The following GRIK2 variants were observed in gnomAD, a reference collection of about 807,000 sequenced individuals.
GRIK2 encodes the protein glutamate ionotropic receptor kainate type subunit 2, also known as glutamate receptor ionotropic, kainate 2.
GRIK2 carries 32 observed loss-of-function variants against 100.3 expected under a neutral mutation model. The observed-to-expected ratio is 0.32, with a 90% confidence interval of 0.24 to 0.43. GRIK2 has a LOEUF of 0.43. Ranked by LOEUF, GRIK2 falls within the 20% of genes least tolerant of loss-of-function variation. GRIK2 has a pLI of 1.00. For synonymous variants in GRIK2, 417 were observed against 389.4 expected, an observed-to-expected ratio of 1.07 and a Z score of -0.83; for missense variants, 843 against 1,114.9, an observed-to-expected ratio of 0.76 and a Z score of 3.47.
intron 2 of GRIK2, among the ~76,000 whole-genome samples, chr6:101,595,706 G>GTATATATATATATATATATATA (rs1417393124): frequency 1.6e-5 from 2 of 125,382 alleles, no homozygotes; most frequent in African/African-American, 6.3e-5. Context: ...ATATGTGTGT[G>GTATATATATATATATATATATA]TGTGTGTGTG....
At position 101,947,515 on chromosome 6, in the gene GRIK2, G is replaced by A. The variant is rs114499497; in HGVS notation, c.2085+18883G>A. On this transcript the variant is annotated intron_variant, in intron 14 of 16. Transcript: ENST00000369134. The stretch of plus-strand genomic sequence containing the variant: ...AAGTATTTTTTAAGGAGCATTATAA[G>A]TACAGAGATTCATGCTAATGGCATT... 1.5e-3 allele frequency among the ~76,000 whole-genome samples: 231 copies of A among 152,206 alleles called. 1 individual carries two copies. The highest frequency in any genetic ancestry group is 5.3e-3 in the African/African-American group (221 of 41,550).
intron 5 of GRIK2, among the ~76,000 whole-genome samples, chr6:101,679,915 T>G (rs1000302847): frequency 6.6e-6 from 1 of 152,178 alleles, no homozygotes; most frequent in African/African-American, 2.4e-5. Context: ...ATTTTTTGTA[T>G]TTTTAGTAGA....
At chr6:102,011,836 T>C (rs924723722) in intron 14 of GRIK2, among the ~76,000 whole-genome samples, 2 of 152,076 alleles carry the variant, frequency 1.3e-5, no homozygotes, top group Admixed American at 1.3e-4. Context: ...TCCACCCGCC[T>C]TGGCCTCCCA....
In GRIK2 at chr6:101,405,156, G is replaced by A. The variant is rs181660963; in HGVS notation, c.115+5764G>A. Among the ~76,000 whole-genome samples, 3 of 152,188 alleles carry A rather than the reference G, an allele frequency of 2.0e-5. No individual in the cohort carries two copies. In the East Asian group the frequency reaches 5.8e-4, roughly 30 times the overall value. ...TAACAAGTTTAATTGAAAGGGCAAGGCAGATTAGCACTATATAGTCTTTAT... is the reference window on the plus strand; with the variant it reads ...TAACAAGTTTAATTGAAAGGGCAAGACAGATTAGCACTATATAGTCTTTAT... On this transcript the variant is annotated intron_variant, in intron 2 of 16. Transcript: ENST00000369134.
At chr6:101,637,650 G>A (rs1286452226) in intron 4 of GRIK2, among the ~76,000 whole-genome samples, 1 of 152,080 alleles carries the variant, frequency 6.6e-6, no homozygotes, top group Non-Finnish European at 1.5e-5. Context: ...AGTCTCATGA[G>A]GTCATTCCCA....
chr6:101,984,542 A>T (rs926254511), intron 14 of GRIK2, among the ~76,000 whole-genome samples: 2 of 151,252 alleles, frequency 1.3e-5, no homozygotes, highest in Non-Finnish European at 1.5e-5. Context: ...ACTTAGGAAG[A>T]ATTAAACTGA....
chr6:101,776,688 C>T (rs73761430), intron 7 of GRIK2, among the ~76,000 whole-genome samples: 11,258 of 152,136 alleles, frequency 0.074, 1,189 homozygotes, highest in African/African-American at 0.24. Context: ...CATCTTTATT[C>T]TTGAATTCTA....
At position 101,729,412 on chromosome 6, in the gene GRIK2, T is replaced by A. The variant is rs540817492; in HGVS notation, c.951+43059T>A. Among the ~76,000 whole-genome samples, 262 of 152,118 alleles carry A rather than the reference T, an allele frequency of 1.7e-3. 1 individual carries two copies. The highest frequency in any genetic ancestry group is 6.1e-3 in the African/African-American group (253 of 41,556). On this transcript the variant is annotated intron_variant, in intron 7 of 16. Coordinates refer to ENST00000369134, the MANE Select transcript of GRIK2 (RefSeq NM_021956.5). ...GCCTTAGACATTAATTTTATCATTT[T>A]GCCATCATTGCAACTCCTTGGCTAA...
At chr6:101,679,899 C>T (rs1346381355) in intron 5 of GRIK2, among the ~76,000 whole-genome samples, 1 of 152,082 alleles carries the variant, frequency 6.6e-6, no homozygotes, top group East Asian at 1.9e-4. Flanking sequence ...CCACCACGCC[C>T]AGCGTATTTT....
intron 7 of GRIK2, among the ~76,000 whole-genome samples, chr6:101,777,025 A>T (rs1303578009): frequency 6.6e-6 from 1 of 152,224 alleles, no homozygotes; most frequent in Non-Finnish European, 1.5e-5. Context: ...CCTATGCACC[A>T]TGTGCCAGGA....
chr6:101,773,165 A>G (rs775137675), intron 7 of GRIK2, among the ~76,000 whole-genome samples: 3 of 152,218 alleles, frequency 2.0e-5, no homozygotes, highest in Non-Finnish European at 2.9e-5. Flanking sequence ...TTTTCAAAAT[A>G]GGAAACATTT....
At chr6:102,060,762 T>A (rs1020671046) in intron 16 of GRIK2, among the ~76,000 whole-genome samples, 2 of 150,752 alleles carry the variant, frequency 1.3e-5, no homozygotes, top group African/African-American at 4.8e-5. Flanking sequence ...TTTACAGAAG[T>A]TAAAATTTCT....
intron 3 of GRIK2, among the ~76,000 whole-genome samples, chr6:101,623,980 T>TA (rs539379250): frequency 2.8e-4 from 43 of 152,214 alleles, no homozygotes; most frequent in African/African-American, 9.4e-4. Context: ...TGATTAATTA[T>TA]AAAATAACTT....
intron 2 of GRIK2, among the ~76,000 whole-genome samples, chr6:101,420,219 A>C (rs1186598397): frequency 6.6e-6 from 1 of 152,230 alleles, no homozygotes; most frequent in Non-Finnish European, 1.5e-5. Context: ...CTTCCCACCC[A>C]GTAAATTTCA....
chr6:102,056,204 T>C (rs1320345411), intron 16 of GRIK2, among the ~76,000 whole-genome samples: 1 of 151,962 alleles, frequency 6.6e-6, no homozygotes, highest in Non-Finnish European at 1.5e-5. Context: ...TCTAAAAATA[T>C]GTATAAACTT....
intron 2 of GRIK2, among the ~76,000 whole-genome samples, chr6:101,545,464 A>G (rs184511969): frequency 1.2e-4 from 18 of 152,312 alleles, no homozygotes; most frequent in African/African-American, 3.6e-4. Context: ...AGTTGTATGC[A>G]TATTTTTCAT....
chr6:101,829,868 C>A (rs2399635), intron 10 of GRIK2, among the ~76,000 whole-genome samples: 44,630 of 151,618 alleles, frequency 0.29, 9,259 homozygotes, highest in East Asian at 0.64. Context: ...CTATAGATTC[C>A]ACACTAATCC....
At chr6:101,444,420 AATGTAGCAAT>A (rs1770251713) in intron 2 of GRIK2, among the ~76,000 whole-genome samples, 1 of 152,074 alleles carries the variant, frequency 6.6e-6, no homozygotes, top group Non-Finnish European at 1.5e-5. Context: ...AAGCCTTGGC[AATGTAGCAAT>A]ATGTTTTTAA....
rs1391495431 is a variant in GRIK2, at chr6:101,393,728, G to T, written c.-403G>T. On this transcript the variant is annotated 5_prime_UTR_variant, in exon 1 of 17. Coordinates refer to ENST00000369134, the MANE Select transcript of GRIK2 (RefSeq NM_021956.5). ...CCGTCACTCGCGCTCGGCGCCGGCG[G>T]CTGCGCTGGTCGGTCTGGTAGCTGG... is the stretch of plus-strand genomic sequence containing the variant. Among the ~76,000 whole-genome samples the T allele has an allele frequency of 1.3e-5, 2 of 152,102 alleles. No individual in the cohort carries two copies. Among genetic ancestry groups the T allele is most frequent in the Non-Finnish European group, 2.9e-5 (2 of 68,012 alleles).
Sources: allele counts gnomAD v4.1 joint callset (sites outside exome capture counted in the v4.1 genomes callset), GRCh38; gene constraint gnomAD v4.1.1; transcripts MANE v1.5; gene names NCBI Gene and HGNC (gene_info 2026-07-23, HGNC 2026-07-21).